Variants in RALY observed in about 807,000 individuals in gnomAD.
The protein encoded by RALY is RALY heterogeneous nuclear ribonucleoprotein.
A neutral mutation model predicts 30.7 loss-of-function variants in RALY; 15 were observed. That is an observed-to-expected ratio of 0.49 (90% CI 0.33 to 0.75). The LOEUF is 0.75. RALY is among the 30% of genes least tolerant of loss of function. The pLI is 0.02. For missense variants in RALY, 339 were observed against 414.3 expected, an observed-to-expected ratio of 0.82 and a Z score of 1.58; for synonymous variants, 177 against 170.8, an observed-to-expected ratio of 1.04 and a Z score of -0.28.
intron 1 of RALY, among the ~76,000 whole-genome samples, chr20:34,003,605 A>G (rs1160001191): frequency 7.1e-6 from 1 of 140,284 alleles, no homozygotes; most frequent in Non-Finnish European, 1.5e-5. Flanking sequence ...GGTTAGGCAT[A>G]TGTTTACCTT....
intron 2 of RALY, among the ~76,000 whole-genome samples, chr20:34,069,837 C>T (rs935464140): frequency 3.9e-5 from 6 of 152,304 alleles, no homozygotes; most frequent in African/African-American, 1.4e-4. Context: ...CAAGTCAGTT[C>T]CAAAGCTGGC....
At position 34,045,727 on chromosome 20, in the gene RALY, C is replaced by G. The variant is rs565738182; in HGVS notation, c.-10+14123C>G. On this transcript the variant is annotated intron_variant, in intron 2 of 9. Transcript: ENST00000246194. ...AGCTCTCTCCCATTTCTCAGACCTA[C>G]ATTTGCTCACATGATTTGGTAATAG... is the stretch of plus-strand genomic sequence containing the variant. Among the ~76,000 whole-genome samples, 22 of 152,342 alleles carry G rather than the reference C, an allele frequency of 1.4e-4. No homozygotes were observed. In the East Asian group the frequency reaches 2.9e-3, roughly 20 times the overall value.
Position 34,073,805 on chromosome 20 carries a change from C to T in RALY, c.330-14C>T. Reference sequence around the variant, plus strand: ...CGTCCCTAAGCTCCAGCCCTCTCCCCTTTGTTTCCCCAGTGGCTACATCTT... The same window carrying T: ...CGTCCCTAAGCTCCAGCCCTCTCCCTTTTGTTTCCCCAGTGGCTACATCTT... On this transcript the variant is annotated splice_polypyrimidine_tract_variant and intron_variant, in intron 4 of 9. Coordinates refer to ENST00000246194, the MANE Select transcript of RALY (RefSeq NM_016732.3). The T allele has an allele frequency of 6.2e-7, 1 of 1,614,012 alleles. No individual in the cohort carries two copies. Among genetic ancestry groups the T allele is most frequent in the South Asian group, 1.1e-5 (1 of 91,078 alleles).
intron 2 of RALY, among the ~76,000 whole-genome samples, chr20:34,040,841 T>C (rs768782719): frequency 6.6e-6 from 1 of 152,214 alleles, no homozygotes; most frequent in Admixed American, 6.5e-5. Flanking sequence ...CCTGACCCCA[T>C]TGACTAAGCT....
intron 5 of RALY, among the ~76,000 whole-genome samples, chr20:34,075,180 C>T (rs1314746655): frequency 1.3e-5 from 2 of 151,950 alleles, no homozygotes; most frequent in Admixed American, 1.3e-4. Context: ...AAGCCCCTGG[C>T]CTTTGTCTCT....
chr20:34,034,880 C>T lies in RALY; in HGVS notation c.-10+3276C>T, dbSNP rs1371634981. On this transcript the variant is annotated intron_variant, in intron 2 of 9. Coordinates refer to ENST00000246194, the MANE Select transcript of RALY (RefSeq NM_016732.3). ...TTAAAACAACAGTCTGGGCCGGGTG[C>T]GGTGGCTCACGCCTGTAATCCCAGC... Among the ~76,000 whole-genome samples, 3 of 152,036 alleles carry T rather than the reference C, an allele frequency of 2.0e-5. No homozygotes were observed. The East Asian group carries it at 5.8e-4, about 29-fold the overall frequency.
At chr20:34,040,143 T>G (rs1045293065) in intron 2 of RALY, among the ~76,000 whole-genome samples, 2 of 151,892 alleles carry the variant, frequency 1.3e-5, no homozygotes, top group Non-Finnish European at 2.9e-5. Flanking sequence ...GATAATAGAT[T>G]CAGCACACAG....
intron 1 of RALY, among the ~76,000 whole-genome samples, chr20:34,018,200 A>T (rs1487973668): frequency 6.6e-6 from 1 of 152,232 alleles, no homozygotes; most frequent in Admixed American, 6.5e-5. Flanking sequence ...TTAAGGTTGT[A>T]GTAGTAGCCA....
intron 2 of RALY, among the ~76,000 whole-genome samples, chr20:34,052,557 T>C (rs1568682238): frequency 6.6e-6 from 1 of 152,186 alleles, no homozygotes. Flanking sequence ...CAGAGAGCAT[T>C]GTTAGAGCAT....
chr20:34,035,187 A>AC (rs1568669830), intron 2 of RALY, among the ~76,000 whole-genome samples: 18 of 134,362 alleles, frequency 1.3e-4, no homozygotes, highest in East Asian at 2.1e-4. Context: ...AAAAAAAAAA[A>AC]CAGTCTGGAG....
chr20:34,069,809 C>T (rs901834266), intron 2 of RALY, among the ~76,000 whole-genome samples: 2 of 152,194 alleles, frequency 1.3e-5, no homozygotes, highest in African/African-American at 4.8e-5. Flanking sequence ...AACTGAGTAA[C>T]AAGAGTCTGT....
intron 1 of RALY, among the ~76,000 whole-genome samples, chr20:34,025,034 ATTTGCCCTGTGCC>A (rs1267445261): frequency 6.6e-6 from 1 of 152,204 alleles, no homozygotes; most frequent in Non-Finnish European, 1.5e-5. Flanking sequence ...GACAAGGGCT[ATTTGCCCTGTGCC>A]TTTGCCCTGT....
chr20:34,053,896 T>G (rs2033159684), intron 2 of RALY, among the ~76,000 whole-genome samples: 2 of 152,152 alleles, frequency 1.3e-5, no homozygotes, highest in Admixed American at 1.3e-4. Context: ...GATGGCATTT[T>G]CTGGCCTTTG....
chr20:34,018,052 A>C lies in RALY; in HGVS notation c.-92-13470A>C, dbSNP rs139119158. ...GGGTAAGAGTTAAGCCAGGAAGGGC[A>C]CTCCAGACCAGGGAACCAGCACAAA... On this transcript the variant is annotated intron_variant, in intron 1 of 9. Coordinates refer to ENST00000246194, the MANE Select transcript of RALY (RefSeq NM_016732.3). 3.6e-3 allele frequency among the ~76,000 whole-genome samples: 549 copies of C among 152,306 alleles called. 2 individuals carry two copies. The highest frequency in any genetic ancestry group is 6.8e-3 in the Middle Eastern group (2 of 294).
chr20:34,066,296 T>C (rs2033569843), intron 2 of RALY, among the ~76,000 whole-genome samples: 1 of 151,390 alleles, frequency 6.6e-6, no homozygotes, highest in African/African-American at 2.4e-5. Flanking sequence ...CTGACTAGCA[T>C]GGTGAAACCC....
At chr20:34,035,043 C>T (rs781389466) in intron 2 of RALY, among the ~76,000 whole-genome samples, 3 of 149,716 alleles carry the variant, frequency 2.0e-5, no homozygotes, top group African/African-American at 7.3e-5. Context: ...GTCCCAGCTA[C>T]TTGGGAGGCT....
At chr20:34,012,352 A>AT (rs1042362119) in intron 1 of RALY, among the ~76,000 whole-genome samples, 23 of 151,784 alleles carry the variant, frequency 1.5e-4, no homozygotes, top group East Asian at 5.8e-4. Flanking sequence ...ACCTTATTTT[A>AT]TTTTTTTTGC....
chr20:34,070,283 T>C (rs1199132910), intron 2 of RALY, among the ~76,000 whole-genome samples: 2 of 152,158 alleles, frequency 1.3e-5, no homozygotes, highest in African/African-American at 2.4e-5. Context: ...CATCAACCTG[T>C]ACCAATGAGC....
chr20:34,040,105 C>A (rs1166950965), intron 2 of RALY, among the ~76,000 whole-genome samples: 5 of 148,964 alleles, frequency 3.4e-5, no homozygotes, highest in Non-Finnish European at 7.4e-5. Flanking sequence ...AGTGAGACCC[C>A]ATCTCAAAAA....
Sources: allele counts gnomAD v4.1 joint callset (sites outside exome capture counted in the v4.1 genomes callset), GRCh38; gene constraint gnomAD v4.1.1; transcripts MANE v1.5; gene names NCBI Gene and HGNC (gene_info 2026-07-23, HGNC 2026-07-21).